The following ECPAS variants were observed in gnomAD, a reference collection of about 807,000 sequenced individuals.
The protein encoded by ECPAS is proteasome adapter and scaffold protein ECM29.
A neutral mutation model predicts 255.1 loss-of-function variants in ECPAS; 70 were observed. The ratio of observed to expected loss-of-function variants is 0.27; its 90% CI spans 0.23 to 0.33. ECPAS has a LOEUF of 0.33. Ranked by LOEUF, ECPAS falls within the 10% of genes least tolerant of loss-of-function variation. ECPAS has a pLI of 1.00. For missense variants in ECPAS, 1,817 were observed against 2,206.4 expected (o/e 0.82, Z 3.54); for synonymous variants, 784 against 775.0 (o/e 1.01, Z -0.19).
chr9:111,406,912 A>C (rs2098184803), intron 24 of ECPAS, among the ~76,000 whole-genome samples: 1 of 149,112 alleles, frequency 6.7e-6, no homozygotes, highest in South Asian at 2.1e-4. Flanking sequence ...AACAGTTAAA[A>C]GAAACCAAAA....
intron 15 of ECPAS, among the ~76,000 whole-genome samples, chr9:111,421,477 C>A (rs952749704): frequency 5.1e-4 from 77 of 150,412 alleles, no homozygotes; most frequent in African/African-American, 1.8e-3. Context: ...AATCCTCCTA[C>A]AAATTCCCAT....
intron 35 of ECPAS, among the ~76,000 whole-genome samples, chr9:111,382,223 A>AC (rs1348703511): frequency 2.7e-5 from 4 of 149,712 alleles, no homozygotes; most frequent in Non-Finnish European, 4.4e-5. Context: ...AATGATCACT[A>AC]CTTAGATTAT....
At chr9:111,468,023 T>C (rs2098281608) in intron 2 of ECPAS, among the ~76,000 whole-genome samples, 1 of 152,038 alleles carries the variant, frequency 6.6e-6, no homozygotes, top group African/African-American at 2.4e-5. Context: ...CGTGGTGGCA[T>C]GTGACTGTAG....
At chr9:111,365,528 T>A (rs2098119391) in intron 48 of ECPAS, 1 of 152,798 alleles carries the variant, frequency 6.5e-6, no homozygotes, top group African/African-American at 2.4e-5. Context: ...CAGCTGGGCG[T>A]GACAGTACAC....
chr9:111,374,325 T>C lies in ECPAS; in HGVS notation c.4111-287A>G, dbSNP rs147000007. 3.3e-3 allele frequency among the ~76,000 whole-genome samples: 505 copies of C among 152,306 alleles called. 5 individuals are homozygous for C. The highest frequency in any genetic ancestry group is 0.012 in the African/African-American group (484 of 41,562). On this transcript the variant is annotated intron_variant, in intron 38 of 49. Coordinates refer to ENST00000684092, the MANE Select transcript of ECPAS (RefSeq NM_001364929.1). ...CATCTTGTCCATCACTGTGCTAACA[T>C]TTCCATTTCCAGAAATTTAACCAAA...
chr9:111,483,017 C>CG (rs1389536468), intron 1 of ECPAS, among the ~76,000 whole-genome samples: 1 of 152,218 alleles, frequency 6.6e-6, no homozygotes, highest in African/African-American at 2.4e-5. Flanking sequence ...TGAGGGTCAC[C>CG]GCCTATTCGT....
intron 35 of ECPAS, among the ~76,000 whole-genome samples, chr9:111,381,058 A>C (rs1408364848): frequency 6.6e-6 from 1 of 152,264 alleles, no homozygotes; most frequent in Non-Finnish European, 1.5e-5. Flanking sequence ...ACTTCGTTTA[A>C]GAACATTTCC....
intron 21 of ECPAS, among the ~76,000 whole-genome samples, chr9:111,411,368 T>G (rs1363446330): frequency 6.6e-6 from 1 of 152,210 alleles, no homozygotes; most frequent in Non-Finnish European, 1.5e-5. Context: ...TGATTCACTT[T>G]AAGATTTACA....
intron 46 of ECPAS, among the ~76,000 whole-genome samples, chr9:111,368,298 T>C (rs2098123135): frequency 6.6e-6 from 1 of 152,146 alleles, no homozygotes; most frequent in Admixed American, 6.5e-5. Context: ...GTCCAAATAG[T>C]AATGAGTTTT....
intron 37 of ECPAS, among the ~76,000 whole-genome samples, chr9:111,376,239 ATGT>A (rs961740002): frequency 3.3e-4 from 50 of 152,322 alleles, no homozygotes; most frequent in African/African-American, 1.2e-3. Context: ...AGCTCTTGAT[ATGT>A]TGTTGTCTCT....
chr9:111,366,447 TA>T, intron 47 of ECPAS, 74 bp downstream of exon 47: 2 of 1,333,414 alleles, frequency 1.5e-6, no homozygotes, highest in South Asian at 1.2e-5. Flanking sequence ...TTTAAATGTA[TA>T]AAAATTCCAT....
At chr9:111,462,991 C>A (rs1019349422) in intron 2 of ECPAS, among the ~76,000 whole-genome samples, 1 of 152,092 alleles carries the variant, frequency 6.6e-6, no homozygotes, top group Non-Finnish European at 1.5e-5. Context: ...GGTGATCCAC[C>A]CACCTCAACC....
chr9:111,465,600 A>AATAT (rs60965961), intron 2 of ECPAS, among the ~76,000 whole-genome samples: 68 of 149,002 alleles, frequency 4.6e-4, no homozygotes, highest in African/African-American at 1.2e-3. Context: ...TTTTTAAAAG[A>AATAT]ATATATATAT....
At chr9:111,484,089 C>G (rs750605949) in intron 1 of ECPAS, 27 bp downstream of exon 1, 2 of 1,280,666 alleles carry the variant, frequency 1.6e-6, no homozygotes, top group Non-Finnish European at 2.0e-6. Context: ...GGGCCAGTCC[C>G]CCGCGGCCCG....
At chr9:111,427,912 A>C in intron 10 of ECPAS, 130 bp downstream of exon 10, 9 of 692,812 alleles carry the variant, frequency 1.3e-5, no homozygotes, top group Non-Finnish European at 1.9e-5. Flanking sequence ...AAGATAGAAA[A>C]AAAGAATCTC....
rs769443823 is a variant in ECPAS, at chr9:111,373,230, G to A, written c.4276C>T (p.Arg1426Trp). ...FAMGHLVRTS[R>W]DSSTEKLLQK... is the part of the protein sequence containing the mutation. Reference sequence around the variant, plus strand: ...AGGAGTTTTTCAGTGCTGCTATCCCGTGAGGTCTGAAAAAGAAACAATCCT... The same window carrying A: ...AGGAGTTTTTCAGTGCTGCTATCCCATGAGGTCTGAAAAAGAAACAATCCT... The change falls in exon 41 of 50, where the codon CGG (arginine) becomes TGG (tryptophan). Residue 1426 changes from arginine to tryptophan, a missense_variant. Physicochemically the swap from Arg to Trp is moderately radical, Grantham distance 101. Coordinates refer to ENST00000684092, the MANE Select transcript of ECPAS (RefSeq NM_001364929.1). 9.3e-6 allele frequency: 15 copies of A among 1,613,352 alleles called. No homozygotes were observed. The highest frequency in any genetic ancestry group is 2.7e-5 in the African/African-American group (2 of 74,850).
intron 49 of ECPAS, among the ~76,000 whole-genome samples, chr9:111,363,130 A>C (rs1589102608): frequency 7.4e-6 from 1 of 134,430 alleles, no homozygotes; most frequent in East Asian, 2.7e-4. Context: ...ACCCACTGAT[A>C]GACCATTAGA....
intron 18 of ECPAS, 85 bp from the exon 19 acceptor site, chr9:111,414,736 T>C: frequency 8.2e-7 from 1 of 1,214,198 alleles, no homozygotes. Context: ...CAATTTCTAG[T>C]TTTGATTCAC....
At chr9:111,458,223 G>C (rs932921442) in intron 2 of ECPAS, among the ~76,000 whole-genome samples, 5 of 152,184 alleles carry the variant, frequency 3.3e-5, no homozygotes. Flanking sequence ...GTTTTAGTTA[G>C]TAAACTAAAC....
Sources: gnomAD v4.1 joint callset for allele counts (sites outside exome capture counted in the v4.1 genomes callset) on GRCh38, gnomAD v4.1.1 for gene constraint, MANE v1.5 for transcripts, NCBI Gene and HGNC (gene_info 2026-07-23, HGNC 2026-07-21) for gene names.